Variants in SORCS1 observed in about 807,000 individuals in gnomAD.
SORCS1 encodes the protein sortilin related VPS10 domain containing receptor 1, also known as VPS10 domain-containing receptor SorCS1.
A neutral mutation model predicts 146.1 loss-of-function variants in SORCS1; 60 were observed. The ratio of observed to expected loss-of-function variants is 0.41; its 90% CI spans 0.33 to 0.51. The LOEUF is 0.51. Among genes scored for constraint, SORCS1 ranks in the 20% least tolerant of loss-of-function variants. SORCS1 has a pLI of 0.21. For synonymous variants in SORCS1, 637 were observed against 584.0 expected, an observed-to-expected ratio of 1.09 and a Z score of -1.31; for missense variants, 1,352 against 1,487.6, an observed-to-expected ratio of 0.91 and a Z score of 1.50.
intron 3 of SORCS1, among the ~76,000 whole-genome samples, chr10:106,828,255 G>GT (rs1366264232): frequency 6.6e-6 from 1 of 152,102 alleles, no homozygotes; most frequent in East Asian, 1.9e-4. Flanking sequence ...AAGTTATGCT[G>GT]TTTCTACTGA....
intron 9 of SORCS1, among the ~76,000 whole-genome samples, chr10:106,691,379 G>T (rs148631575): frequency 2.4e-4 from 36 of 152,286 alleles, no homozygotes; most frequent in African/African-American, 8.2e-4. Context: ...AGATCTTTAA[G>T]AATTCTAAGT....
At chr10:106,658,550 T>C (rs1038041951) in intron 17 of SORCS1, among the ~76,000 whole-genome samples, 6 of 152,144 alleles carry the variant, frequency 3.9e-5, no homozygotes, top group African/African-American at 9.7e-5. Context: ...CAAGGGAAAA[T>C]ACTGCCTTGT....
In SORCS1 at chr10:106,892,077, A is replaced by T. The variant is rs552327558; in HGVS notation, c.627-62404T>A. On this transcript the variant is annotated intron_variant, in intron 2 of 25. Coordinates refer to ENST00000263054, the MANE Select transcript of SORCS1 (RefSeq NM_052918.5). The stretch of plus-strand genomic sequence containing the variant: ...ATATGCTTCACACAAAGCCTTCTCC[A>T]TGTCTCAGAGCAAAGGTTCCTGGCA... Among the ~76,000 whole-genome samples the T allele has an allele frequency of 1.1e-3, 171 of 152,308 alleles. 1 individual carries two copies. Among genetic ancestry groups the T allele is most frequent in the African/African-American group, 3.8e-3 (156 of 41,576 alleles).
At chr10:106,854,261 T>G (rs1478038185) in intron 2 of SORCS1, among the ~76,000 whole-genome samples, 1 of 152,066 alleles carries the variant, frequency 6.6e-6, no homozygotes, top group Admixed American at 6.6e-5. Flanking sequence ...AAAATTAATA[T>G]AATGACTCCA....
intron 2 of SORCS1, among the ~76,000 whole-genome samples, chr10:106,876,163 C>A (rs1349632011): frequency 1.3e-5 from 2 of 152,164 alleles, no homozygotes; most frequent in Admixed American, 6.5e-5. Flanking sequence ...ATTGCTGAAG[C>A]ATTCTGGTTA....
chr10:107,021,681 C>G (rs796361987), intron 1 of SORCS1, among the ~76,000 whole-genome samples: 2 of 151,974 alleles, frequency 1.3e-5, no homozygotes, highest in African/African-American at 2.4e-5. Flanking sequence ...AGTCTTGATA[C>G]CTAATTCTAT....
At chr10:106,824,588 C>CA (rs397846847) in intron 3 of SORCS1, among the ~76,000 whole-genome samples, 6,567 of 70,906 alleles carry the variant, frequency 0.093, 296 homozygotes, top group East Asian at 0.33. Context: ...GACTTCATCT[C>CA]AAAAAAAAAA....
At chr10:106,697,464 T>TA (rs1232542580) in intron 9 of SORCS1, among the ~76,000 whole-genome samples, 4 of 150,626 alleles carry the variant, frequency 2.7e-5, no homozygotes, top group Non-Finnish European at 4.4e-5. Context: ...TCAAAATAAA[T>TA]AAATAAATAA....
At chr10:106,801,654 C>T (rs977007425) in intron 3 of SORCS1, among the ~76,000 whole-genome samples, 10 of 151,734 alleles carry the variant, frequency 6.6e-5, no homozygotes, top group Non-Finnish European at 1.5e-5. Context: ...CTCAGCCTCC[C>T]GAGTAGCTGG....
chr10:106,596,832 C>A (rs531531851), intron 24 of SORCS1, among the ~76,000 whole-genome samples: 1 of 152,114 alleles, frequency 6.6e-6, no homozygotes, highest in Non-Finnish European at 1.5e-5. Flanking sequence ...CGTATATAAG[C>A]GGTTTGCTGA....
chr10:106,830,901 A>C (rs1436611128), intron 2 of SORCS1, among the ~76,000 whole-genome samples: 1 of 150,892 alleles, frequency 6.6e-6, no homozygotes, highest in Non-Finnish European at 1.5e-5. Flanking sequence ...GTTTCAAAAC[A>C]AAACAAAAAA....
At chr10:106,967,009 T>C (rs1228893263) in intron 1 of SORCS1, among the ~76,000 whole-genome samples, 1 of 152,078 alleles carries the variant, frequency 6.6e-6, no homozygotes, top group African/African-American at 2.4e-5. Flanking sequence ...ACTTGTCAAA[T>C]CCACTAGACT....
chr10:107,161,325 T>C (rs1969686362), intron 1 of SORCS1, among the ~76,000 whole-genome samples: 1 of 152,210 alleles, frequency 6.6e-6, no homozygotes, highest in African/African-American at 2.4e-5. Flanking sequence ...GCACTGCCTG[T>C]GGTCCTGAAT....
intron 2 of SORCS1, among the ~76,000 whole-genome samples, chr10:106,934,160 T>G (rs1486363760): frequency 2.0e-5 from 3 of 149,862 alleles, no homozygotes; most frequent in African/African-American, 7.4e-5. Flanking sequence ...GACATTGGCG[T>G]GGATGTGGTG....
At chr10:106,632,919 G>A (rs1228365746) in intron 18 of SORCS1, among the ~76,000 whole-genome samples, 3 of 152,122 alleles carry the variant, frequency 2.0e-5, no homozygotes, top group Non-Finnish European at 4.4e-5. Flanking sequence ...AGATGAATGA[G>A]TGAGGCACAA....
intron 2 of SORCS1, among the ~76,000 whole-genome samples, chr10:106,857,336 G>C (rs561340202): frequency 6.6e-6 from 1 of 152,138 alleles, no homozygotes; most frequent in East Asian, 1.9e-4. Flanking sequence ...GAAACACAGA[G>C]CCATACTGCC....
At position 106,652,372 on chromosome 10, in the gene SORCS1, T is replaced by C. The variant is rs370730269; in HGVS notation, c.2475+10A>G. The C allele has an allele frequency of 6.3e-7, 1 of 1,594,352 alleles. No homozygotes were observed. The highest frequency in any genetic ancestry group is 8.6e-7 in the Non-Finnish European group (1 of 1,165,358). ...CTAGAAAGTAGGGGGGAGATAGGAA[T>C]CAGTCCTACCTCTTCTAATTGCACC... On this transcript the variant is annotated intron_variant, in intron 18 of 25. Transcript: ENST00000263054.
At chr10:106,968,140 G>A (rs1265897941) in intron 1 of SORCS1, among the ~76,000 whole-genome samples, 1 of 152,074 alleles carries the variant, frequency 6.6e-6, no homozygotes, top group Non-Finnish European at 1.5e-5. Flanking sequence ...AACCCAGGAG[G>A]CGGAGCTTGC....
intron 2 of SORCS1, among the ~76,000 whole-genome samples, chr10:106,841,686 C>G (rs548932342): frequency 1.1e-4 from 16 of 152,182 alleles, no homozygotes; most frequent in Admixed American, 6.5e-5. Flanking sequence ...CATACAGCAT[C>G]TAGCCTGTTC....
Sources: allele counts gnomAD v4.1 joint callset (sites outside exome capture counted in the v4.1 genomes callset), GRCh38; gene constraint gnomAD v4.1.1; transcripts MANE v1.5; gene names NCBI Gene and HGNC (gene_info 2026-07-23, HGNC 2026-07-21).